AFG2A: variants seen among roughly 807,000 people sequenced by gnomAD.
The protein encoded by AFG2A is ATPase family gene 2 protein homolog A.
chr4:122,998,916 A>T, the AFG2A span, among the ~76,000 whole-genome samples: 1 of 152,272 alleles, frequency 6.6e-6, no homozygotes. Flanking sequence ...GAACTGGTTT[A>T]TAGTCCCACC....
the AFG2A span, among the ~76,000 whole-genome samples, chr4:123,151,199 A>G: frequency 1.3e-5 from 2 of 152,168 alleles, no homozygotes; most frequent in African/African-American, 4.8e-5. Context: ...CCGTTCAGGA[A>G]GTAGGCATGG....
At chr4:123,053,581 C>T in the AFG2A span, among the ~76,000 whole-genome samples, 8,205 of 152,242 alleles carry the variant, frequency 0.054, 523 homozygotes, top group African/African-American at 0.16. Context: ...GGGTCTGGTA[C>T]TGAGACTGGG....
chr4:122,949,335 C>A, the AFG2A span, among the ~76,000 whole-genome samples: 1 of 152,134 alleles, frequency 6.6e-6, no homozygotes, highest in Non-Finnish European at 1.5e-5. Context: ...GGAAAATATG[C>A]CATCTCACGT....
chr4:123,283,999 TCA>T, the AFG2A span, among the ~76,000 whole-genome samples: 11 of 152,244 alleles, frequency 7.2e-5, no homozygotes, highest in Middle Eastern at 3.4e-3. Context: ...CTCTTCCTCT[TCA>T]CACACACATA....
the AFG2A span, among the ~76,000 whole-genome samples, chr4:122,961,653 C>T: frequency 1.3e-5 from 2 of 152,152 alleles, no homozygotes; most frequent in Non-Finnish European, 2.9e-5. Flanking sequence ...TACAGGCATG[C>T]ACTACAACGC....
At chr4:123,007,642 A>AACACACACACAC in the AFG2A span, among the ~76,000 whole-genome samples, 1 of 25,510 alleles carries the variant, frequency 3.9e-5, no homozygotes, top group African/African-American at 9.9e-5. Flanking sequence ...ACACACACAC[A>AACACACACACAC]ACACACACAC....
chr4:123,162,845 T>A, the AFG2A span, among the ~76,000 whole-genome samples: 3 of 152,180 alleles, frequency 2.0e-5, no homozygotes, highest in African/African-American at 7.2e-5. Flanking sequence ...GGTTTAATCA[T>A]CTATAAAACA....
the AFG2A span, among the ~76,000 whole-genome samples, chr4:123,005,447 G>A: frequency 3.9e-4 from 59 of 152,204 alleles, no homozygotes; most frequent in Admixed American, 2.3e-3. Context: ...GAGCCACTGC[G>A]CCCAGCCTTG....
chr4:123,162,525 G>A, the AFG2A span, among the ~76,000 whole-genome samples: 1 of 151,908 alleles, frequency 6.6e-6, no homozygotes, highest in African/African-American at 2.4e-5. Context: ...AGAATCAATG[G>A]GCCCACTGAT....
At chr4:123,259,322 T>G in the AFG2A span, among the ~76,000 whole-genome samples, 1 of 152,250 alleles carries the variant, frequency 6.6e-6, no homozygotes, top group Admixed American at 6.5e-5. Context: ...TACTCCATTT[T>G]TCCTTCGTGG....
At chr4:123,183,374 A>G in the AFG2A span, among the ~76,000 whole-genome samples, 2 of 152,248 alleles carry the variant, frequency 1.3e-5, no homozygotes, top group African/African-American at 4.8e-5. Flanking sequence ...TGATTGTATT[A>G]TCATTTTCTG....
the AFG2A span, among the ~76,000 whole-genome samples, chr4:123,290,065 G>A: frequency 6.6e-6 from 1 of 152,188 alleles, no homozygotes; most frequent in Non-Finnish European, 1.5e-5. Context: ...CTGCTGTTGA[G>A]TTGTTTGAAT....
the AFG2A span, among the ~76,000 whole-genome samples, chr4:123,252,641 T>C: frequency 6.6e-6 from 1 of 152,210 alleles, no homozygotes; most frequent in Admixed American, 6.5e-5. Flanking sequence ...TAGTTTCAGT[T>C]TACACACAAT....
At chr4:123,088,275 T>C in the AFG2A span, among the ~76,000 whole-genome samples, 5 of 152,194 alleles carry the variant, frequency 3.3e-5, no homozygotes, top group African/African-American at 1.2e-4. Flanking sequence ...ATCTTTCTTA[T>C]GACAGCCCAC....
chr4:123,133,203 A>G, the AFG2A span, among the ~76,000 whole-genome samples: 2 of 152,184 alleles, frequency 1.3e-5, no homozygotes, highest in African/African-American at 4.8e-5. Flanking sequence ...GCCTATGGGG[A>G]CCACAGGCAT....
chr4:123,004,930 A>T, the AFG2A span, among the ~76,000 whole-genome samples: 2 of 152,020 alleles, frequency 1.3e-5, no homozygotes, highest in South Asian at 4.1e-4. Flanking sequence ...TTTTTTCTCA[A>T]GTGAATTTTG....
chr4:123,255,876 T>C, the AFG2A span: 22 of 971,650 alleles, frequency 2.3e-5, no homozygotes, highest in Non-Finnish European at 3.1e-5. Flanking sequence ...GATTATGGAA[T>C]CTCTGGTACT....
chr4:122,978,697 C>T, the AFG2A span, among the ~76,000 whole-genome samples: 188 of 152,294 alleles, frequency 1.2e-3, no homozygotes, highest in Non-Finnish European at 2.0e-3. Flanking sequence ...TGCAGGACTG[C>T]GCCAAGCCAC....
At chr4:123,253,138 G>C in the AFG2A span, among the ~76,000 whole-genome samples, 1 of 152,042 alleles carries the variant, frequency 6.6e-6, no homozygotes, top group Non-Finnish European at 1.5e-5. Flanking sequence ...ATGGGTGTTT[G>C]AGACCAGCCT....
Sources: allele counts gnomAD v4.1 joint callset (sites outside exome capture counted in the v4.1 genomes callset), GRCh38; gene constraint gnomAD v4.1.1; transcripts MANE v1.5; gene names NCBI Gene and HGNC (gene_info 2026-07-23, HGNC 2026-07-21).